The following ARID1B variants were observed in gnomAD, a reference collection of about 807,000 sequenced individuals.
The protein encoded by ARID1B is AT-rich interactive domain-containing protein 1B.
A neutral mutation model predicts 212.3 loss-of-function variants in ARID1B; 30 were observed. The ratio of observed to expected loss-of-function variants is 0.14; its 90% CI spans 0.11 to 0.19. The LOEUF (loss-of-function observed/expected upper bound fraction) is 0.19. Ranked by LOEUF, ARID1B falls within the 10% of genes least tolerant of loss-of-function variation. The pLI, the probability that ARID1B is intolerant of heterozygous loss-of-function variation, is 1.00. For synonymous variants in ARID1B, 1,402 were observed against 1,301.7 expected (o/e 1.08, Z -1.66); for missense variants, 2,891 against 3,204.0 (o/e 0.90, Z 2.36).
chr6:156,848,181 A>T (rs1188768079), intron 2 of ARID1B, among the ~76,000 whole-genome samples: 2 of 152,252 alleles, frequency 1.3e-5, no homozygotes, highest in African/African-American at 2.4e-5. Flanking sequence ...GAAGTTAGTC[A>T]TTGTAGCATA....
chr6:157,022,446 G>A (rs1780376110), intron 4 of ARID1B: 1 of 152,190 alleles, frequency 6.6e-6, no homozygotes, highest in Non-Finnish European at 1.5e-5. Flanking sequence ...GAAGAGTCTT[G>A]TCGGGATATT....
chr6:156,879,961 G>C (rs531149552), intron 2 of ARID1B, among the ~76,000 whole-genome samples: 1 of 152,346 alleles, frequency 6.6e-6, no homozygotes, highest in South Asian at 2.1e-4. Flanking sequence ...ATGGCAAACA[G>C]TGATCAGAGG....
At chr6:156,821,156 G>A (rs556662451) in intron 1 of ARID1B, among the ~76,000 whole-genome samples, 8 of 152,300 alleles carry the variant, frequency 5.3e-5, no homozygotes, top group South Asian at 2.1e-4. Flanking sequence ...AGAAATAAGC[G>A]AAATGCAAAC....
In ARID1B at chr6:157,025,629, G is replaced by A. The variant is rs138916341; in HGVS notation, c.2248-59033G>A. Among the ~76,000 whole-genome samples, 8 of 152,218 alleles carry A rather than the reference G, an allele frequency of 5.3e-5. No individual in the cohort carries two copies. In the East Asian group the frequency reaches 1.5e-3, roughly 29 times the overall value. On this transcript the variant is annotated intron_variant, in intron 4 of 19. Transcript: ENST00000636930. Reference sequence around the variant, plus strand: ...TTGAGAGTCATCCATTTCCTTGTTTGTATCAGTAGTTAATTCCTTTTCATT... The same window carrying A: ...TTGAGAGTCATCCATTTCCTTGTTTATATCAGTAGTTAATTCCTTTTCATT...
At chr6:156,797,564 G>T (rs540906242) in intron 1 of ARID1B, among the ~76,000 whole-genome samples, 1 of 152,156 alleles carries the variant, frequency 6.6e-6, no homozygotes, top group Admixed American at 6.5e-5. Flanking sequence ...CCTTGCAAGC[G>T]CAAGGTTCTT....
At chr6:156,913,938 C>G (rs1349191968) in intron 3 of ARID1B, among the ~76,000 whole-genome samples, 1 of 137,842 alleles carries the variant, frequency 7.3e-6, no homozygotes, top group Non-Finnish European at 1.6e-5. Context: ...ACTCTCCACT[C>G]CCCAACGACC....
rs971809065 is a variant in ARID1B, at chr6:157,200,455, CT to C, written c.4480-240del. Among the ~76,000 whole-genome samples the C allele has an allele frequency of 6.2e-4, 92 of 148,148 alleles. No individual in the cohort carries two copies. Among genetic ancestry groups the C allele is most frequent in the African/African-American group, 1.7e-3 (69 of 40,428 alleles). The stretch of plus-strand genomic sequence containing the variant: ...GGTGGCACAGCCTAAGGAGAGGAGG[CT>C]TTTTTTTTTCCACAGGAAGTTTCAA... On this transcript the variant is annotated intron_variant, in intron 17 of 19. Coordinates refer to ENST00000636930, the MANE Select transcript of ARID1B (RefSeq NM_001374828.1). The surrounding 1 kb of genome is among the most constrained non-coding windows in gnomAD (Gnocchi z 4.3).
chr6:157,021,056 G>A (rs1355491587), intron 4 of ARID1B, among the ~76,000 whole-genome samples: 1 of 145,190 alleles, frequency 6.9e-6, no homozygotes, highest in Non-Finnish European at 1.5e-5. Flanking sequence ...GGATGCCTGC[G>A]CGGCGGCGGC....
At position 157,210,568 on chromosome 6, in the gene ARID1B, C is replaced by CG. The variant is rs1794705179; in HGVS notation, c.*2677_*2678insG. 4.3e-6 allele frequency: 1 copy of CG among 232,382 alleles called. No individual in the cohort carries two copies. The highest frequency in any genetic ancestry group is 8.5e-6 in the Non-Finnish European group (1 of 117,740). The allele number at this position is 232,382 out of a possible 1,614,324, so 14.4% of individuals were successfully genotyped here. ...CCCCCGAATCAAGATTTACAGAAGC[C>CG]CACGAAGAATTTACAGCCTGCTTGA... On this transcript the variant is annotated 3_prime_UTR_variant, in exon 20 of 20. Coordinates refer to ENST00000636930, the MANE Select transcript of ARID1B (RefSeq NM_001374828.1).
intron 1 of ARID1B, among the ~76,000 whole-genome samples, chr6:156,825,064 C>T (rs932629068): frequency 3.3e-5 from 5 of 152,016 alleles, no homozygotes; most frequent in Admixed American, 2.6e-4. Flanking sequence ...AGGATTTCAC[C>T]GTGTTGCTCA....
At chr6:157,178,875 A>C (rs1270901564) in intron 11 of ARID1B, among the ~76,000 whole-genome samples, 5 of 152,218 alleles carry the variant, frequency 3.3e-5, no homozygotes, top group African/African-American at 9.6e-5. Context: ...GATTCTATTC[A>C]TCCAGAACCA....
Position 156,778,532 on chromosome 6 carries a change from G to C in ARID1B, c.852G>C (p.Glu284Asp). 8.1e-7 allele frequency: 1 copy of C among 1,232,070 alleles called. No individual in the cohort carries two copies. Among genetic ancestry groups the C allele is most frequent in the Non-Finnish European group, 1.0e-6 (1 of 990,484 alleles). 76.3% of individuals were successfully genotyped at this position (1,232,070 alleles called of 1,614,324 possible). Residue 284 changes from glutamate (E) to aspartate (D), a missense_variant, in exon 1 of 20, where the codon GAG becomes GAC. Glu to Asp is a conservative substitution (Grantham distance 45). Transcript: ENST00000636930. Reference protein sequence around the residue: ...KMGEPAGGRYEHPGLGALGTQ... With the variant: ...KMGEPAGGRYDHPGLGALGTQ... ...GGGAGCCGGCGGGCGGCCGCTACGAGCACCCGGGCTTGGGCGCCCTGGGCA... is the reference window on the plus strand; with the variant it reads ...GGGAGCCGGCGGGCGGCCGCTACGACCACCCGGGCTTGGGCGCCCTGGGCA...
intron 1 of ARID1B, among the ~76,000 whole-genome samples, chr6:156,819,678 G>A (rs1013436065): frequency 2.6e-5 from 4 of 152,066 alleles, no homozygotes; most frequent in African/African-American, 4.8e-5. Flanking sequence ...CTCCTCTTCC[G>A]TACTCCTGTT....
intron 10 of ARID1B, 122 bp from the exon 11 acceptor site, chr6:157,174,725 T>TATAC (rs984035352): frequency 3.8e-6 from 1 of 266,560 alleles, no homozygotes; most frequent in Admixed American, 5.7e-5. Context: ...TCTTTATATA[T>TATAC]ATATATATAT....
At chr6:157,070,401 A>T (rs1783940855) in intron 4 of ARID1B, among the ~76,000 whole-genome samples, 1 of 152,230 alleles carries the variant, frequency 6.6e-6, no homozygotes, top group South Asian at 2.1e-4. Flanking sequence ...TTGCTAGTAT[A>T]CTGACACCTC....
At chr6:157,155,042 A>AT (rs1209039117) in intron 8 of ARID1B, among the ~76,000 whole-genome samples, 4 of 151,424 alleles carry the variant, frequency 2.6e-5, no homozygotes, top group African/African-American at 4.9e-5. Context: ...TGAAATCTGG[A>AT]TTTTTTTTCT....
At chr6:156,969,883 T>C (rs972440152) in intron 4 of ARID1B, among the ~76,000 whole-genome samples, 1 of 137,636 alleles carries the variant, frequency 7.3e-6, no homozygotes, top group Non-Finnish European at 1.5e-5. Flanking sequence ...TATTTCTTAT[T>C]ATATAATGCT....
At chr6:156,931,903 G>C (rs868279535) in intron 3 of ARID1B, among the ~76,000 whole-genome samples, 7 of 150,532 alleles carry the variant, frequency 4.7e-5, no homozygotes, top group Admixed American at 4.0e-4. Flanking sequence ...TGGAGATTGC[G>C]GTGAGCTGAG....
At chr6:156,865,888 T>C (rs1318669544) in intron 2 of ARID1B, among the ~76,000 whole-genome samples, 1 of 152,216 alleles carries the variant, frequency 6.6e-6, no homozygotes, top group Non-Finnish European at 1.5e-5. Flanking sequence ...TGAGGGTAGA[T>C]TATTTTTTCT....
Sources: gnomAD v4.1 joint callset for allele counts (sites outside exome capture counted in the v4.1 genomes callset) on GRCh38, gnomAD v4.1.1 for gene constraint, Gnocchi (gnomAD v3.1) non-coding constraint, MANE v1.5 for transcripts, NCBI Gene and HGNC (gene_info 2026-07-23, HGNC 2026-07-21) for gene names.